KIAA1671: variants seen among roughly 807,000 people sequenced by gnomAD.
KIAA1671 encodes uncharacterized protein KIAA1671.
A neutral mutation model predicts 131.2 loss-of-function variants in KIAA1671; 52 were observed. The observed-to-expected ratio is 0.40, with a 90% confidence interval of 0.32 to 0.50. The LOEUF is 0.50. Among genes scored for constraint, KIAA1671 ranks in the 20% least tolerant of loss-of-function variants. The pLI, the probability that KIAA1671 is intolerant of heterozygous loss-of-function variation, is 0.73. For missense variants in KIAA1671, 2,360 were observed against 2,364.2 expected, an observed-to-expected ratio of 1.00 and a Z score of 0.04; for synonymous variants, 1,003 against 961.6, an observed-to-expected ratio of 1.04 and a Z score of -0.80.
chr22:25,018,019 A>ACCTCCTCCT (rs369856501), intron 1 of KIAA1671, among the ~76,000 whole-genome samples: 1 of 144,718 alleles, frequency 6.9e-6, no homozygotes, highest in African/African-American at 2.6e-5. Context: ...GCTGACACCA[A>ACCTCCTCCT]CCTCCTCCTC....
At position 25,194,650 on chromosome 22, in the gene KIAA1671, T is replaced by C. The variant is rs960783168; in HGVS notation, c.*2249T>C. On this transcript the variant is annotated 3_prime_UTR_variant, in exon 13 of 13. Transcript: ENST00000358431. ...TACCTTAATTGGAAAAATAATCAAT[T>C]AATTCTATGTTAATTAGGATATACA... is the stretch of plus-strand genomic sequence containing the variant. 11 of 152,352 alleles carry C rather than the reference T, an allele frequency of 7.2e-5. No homozygotes were observed. The highest frequency in any genetic ancestry group is 2.4e-4 in the African/African-American group (10 of 41,582). 9.4% of individuals were successfully genotyped at this position (152,352 alleles called of 1,614,324 possible).
intron 6 of KIAA1671, among the ~76,000 whole-genome samples, chr22:25,088,957 A>G (rs1929878287): frequency 6.6e-6 from 1 of 152,222 alleles, no homozygotes; most frequent in Non-Finnish European, 1.5e-5. Flanking sequence ...GGATTCAACC[A>G]ACCATAGATC....
rs1324761646 is a variant in KIAA1671 at position 25,195,957 on chromosome 22, A to G, written c.*3556A>G. 1 of 152,116 alleles carries G rather than the reference A, an allele frequency of 6.6e-6. No homozygotes were observed. The highest frequency in any genetic ancestry group is 2.4e-5 in the African/African-American group (1 of 41,418). The allele number at this position is 152,116 out of a possible 1,614,324, so 9.4% of individuals were successfully genotyped here. On this transcript the variant is annotated 3_prime_UTR_variant, in exon 13 of 13. Transcript: ENST00000358431. ...GCTGGAGGGATAGGACCCACTCCAC[A>G]TCTAAAGGGGATCTGCTTTGGGCTC...
chr22:24,977,835 C>T (rs914862401), intron 1 of KIAA1671, among the ~76,000 whole-genome samples: 3 of 152,206 alleles, frequency 2.0e-5, no homozygotes, highest in Admixed American at 6.5e-5. Flanking sequence ...TCCCCACATT[C>T]GGCACCGTAG....
intron 6 of KIAA1671, among the ~76,000 whole-genome samples, chr22:25,095,107 C>G (rs1256377408): frequency 6.6e-6 from 1 of 152,140 alleles, no homozygotes; most frequent in African/African-American, 2.4e-5. Flanking sequence ...AGGTCCAGGC[C>G]TCATGCAGTC....
At position 25,029,532 on chromosome 22, in the gene KIAA1671, G is replaced by A; in HGVS notation, c.1533G>A (p.Leu511=). 6.5e-7 allele frequency: 1 copy of A among 1,538,278 alleles called. No homozygotes were observed. Among genetic ancestry groups the A allele is most frequent in the Non-Finnish European group, 8.8e-7 (1 of 1,140,324 alleles). ...AGGCTCGGCCGCTGTCGGCGGATTTGACCAAATTGTAAGTAGGCACATCCC... is the reference window on the plus strand; with the variant it reads ...AGGCTCGGCCGCTGTCGGCGGATTTAACCAAATTGTAAGTAGGCACATCCC... ...TFQARPLSAD[L]TKLFSSSASS... The change falls in exon 3 of 13, where the codon TTG becomes TTA. Residue 511 remains leucine, a synonymous_variant. Transcript: ENST00000358431.
chr22:24,972,576 A>C (rs2142843), intron 1 of KIAA1671, among the ~76,000 whole-genome samples: 38,142 of 152,008 alleles, frequency 0.25, 6,745 homozygotes, highest in African/African-American at 0.5. Context: ...ACATACCTGT[A>C]CTTTCTTCCT....
chr22:25,121,428 C>T (rs1267377248), intron 6 of KIAA1671, among the ~76,000 whole-genome samples: 1 of 149,256 alleles, frequency 6.7e-6, no homozygotes, highest in East Asian at 2.0e-4. Context: ...CGCCACTGCA[C>T]TCCAGCCTGG....
At chr22:25,006,221 C>T (rs1017481693) in intron 1 of KIAA1671, among the ~76,000 whole-genome samples, 8 of 151,924 alleles carry the variant, frequency 5.3e-5, no homozygotes, top group Admixed American at 1.3e-4. Flanking sequence ...TTAGTAGAGA[C>T]GGGGTTTCAC....
chr22:25,054,695 GCAT>G (rs1323560123), intron 6 of KIAA1671: 2 of 149,466 alleles, frequency 1.3e-5, no homozygotes, highest in African/African-American at 4.9e-5. Context: ...TATATGCCAG[GCAT>G]CATGTCATGT....
Position 25,028,614 on chromosome 22 carries a change from A to G in KIAA1671, c.615A>G (p.Pro205=). The change falls in exon 3 of 13, where the codon CCA becomes CCG. Residue 205 remains proline, a synonymous_variant. Transcript: ENST00000358431. The stretch of plus-strand genomic sequence containing the variant: ...CTCCCCTGTCTCAGGACACAAAACC[A>G]CCTGTACCCCAAGAGGAGGCAGGCC... ...RSAPLSQDTK[P]PVPQEEAGQD... is the part of the protein sequence containing the mutation. 1 of 1,547,806 alleles carries G rather than the reference A, an allele frequency of 6.5e-7. No homozygotes were observed. Among genetic ancestry groups the G allele is most frequent in the East Asian group, 2.5e-5 (1 of 40,678 alleles).
intron 4 of KIAA1671, among the ~76,000 whole-genome samples, chr22:25,036,879 G>A (rs1926629397): frequency 1.3e-5 from 2 of 152,052 alleles, no homozygotes; most frequent in East Asian, 1.9e-4. Flanking sequence ...AGCCGAGATC[G>A]CGCCATTGTA....
intron 6 of KIAA1671, among the ~76,000 whole-genome samples, chr22:25,108,741 T>C (rs1216261565): frequency 6.6e-6 from 1 of 152,214 alleles, no homozygotes; most frequent in Non-Finnish European, 1.5e-5. Context: ...CATGGACCAG[T>C]TACCTACTTG....
At chr22:25,121,504 G>A (rs1449352424) in intron 6 of KIAA1671, among the ~76,000 whole-genome samples, 1 of 151,690 alleles carries the variant, frequency 6.6e-6, no homozygotes, top group African/African-American at 2.4e-5. Context: ...AGCAAGAGAA[G>A]TCCTTACAAG....
At chr22:25,015,702 T>C (rs1331247673) in intron 1 of KIAA1671, among the ~76,000 whole-genome samples, 2 of 149,426 alleles carry the variant, frequency 1.3e-5, no homozygotes, top group Admixed American at 6.8e-5. Flanking sequence ...CACAGTCTTT[T>C]AATATACCAC....
intron 6 of KIAA1671, among the ~76,000 whole-genome samples, chr22:25,113,780 A>G (rs713876): frequency 0.68 from 103,742 of 152,156 alleles, 35,585 homozygotes; most frequent in South Asian, 0.73. Context: ...GATTTATGAG[A>G]CAGATTCCCC....
chr22:24,954,266 G>T lies in KIAA1671; in HGVS notation c.-208+1494G>T, dbSNP rs1010991557. 2.6e-5 allele frequency among the ~76,000 whole-genome samples: 4 copies of T among 152,128 alleles called. 1 individual carries two copies. In the South Asian group the frequency reaches 8.3e-4, roughly 32 times the overall value. On this transcript the variant is annotated intron_variant, in intron 1 of 12. Coordinates refer to ENST00000358431, the MANE Select transcript of KIAA1671 (RefSeq NM_001145206.2). ...GACATTTGGACAAAGCTTCTCCCTT[G>T]GTCTGGCTTTCCCTCTGCTAATCCA... is the stretch of plus-strand genomic sequence containing the variant.
At chr22:25,109,175 T>G (rs529183879) in intron 6 of KIAA1671, among the ~76,000 whole-genome samples, 2 of 151,928 alleles carry the variant, frequency 1.3e-5, no homozygotes, top group African/African-American at 4.8e-5. Flanking sequence ...AGTGGTGTGA[T>G]CTCAGCTCAC....
Position 25,108,644 on chromosome 22 carries a change from G to A in KIAA1671, c.4530+59280G>A, listed in dbSNP as rs185856819. Among the ~76,000 whole-genome samples the A allele has an allele frequency of 5.3e-5, 8 of 152,290 alleles. No homozygotes were observed. In the East Asian group the frequency reaches 1.5e-3, roughly 29 times the overall value. On this transcript the variant is annotated intron_variant, in intron 6 of 12. Transcript: ENST00000358431. ...TATGTTTCCTCACCTGCATGGTGGA[G>A]TAATACTTCTGGATATATCAATGTA...
Sources: allele counts gnomAD v4.1 joint callset (sites outside exome capture counted in the v4.1 genomes callset), GRCh38; gene constraint gnomAD v4.1.1; transcripts MANE v1.5; gene names NCBI Gene and HGNC (gene_info 2026-07-23, HGNC 2026-07-21).